RHOBTB2: variants seen among roughly 807,000 people sequenced by gnomAD.
The protein encoded by RHOBTB2 is rho-related BTB domain-containing protein 2.
RHOBTB2 carries 39 observed loss-of-function variants against 66.5 expected under a neutral mutation model. The ratio of observed to expected loss-of-function variants is 0.59; its 90% CI spans 0.45 to 0.77. The LOEUF (loss-of-function observed/expected upper bound fraction) is 0.77, where lower values mean the gene tolerates loss of function less well. Ranked by LOEUF, RHOBTB2 falls within the 30% of genes least tolerant of loss-of-function variation. The probability of loss-of-function intolerance (pLI) is 0.00; values close to 1 mark genes in which losing one functional copy is unlikely to be tolerated. For synonymous variants in RHOBTB2, 390 were observed against 395.0 expected, an observed-to-expected ratio of 0.99 and a Z score of 0.15; for missense variants, 755 against 999.1, an observed-to-expected ratio of 0.76 and a Z score of 3.29.
At position 23,008,189 on chromosome 8, in the gene RHOBTB2, G is replaced by A. The variant is rs968627923; in HGVS notation, c.1620+78G>A. 5 of 996,360 alleles carry A rather than the reference G, an allele frequency of 5.0e-6. No individual in the cohort carries two copies. The African/African-American group carries it at 8.1e-5, about 16-fold the overall frequency. 61.7% of individuals were successfully genotyped at this position (996,360 alleles called of 1,614,324 possible). On this transcript the variant is annotated intron_variant, in intron 6 of 9. Coordinates refer to ENST00000251822, the MANE Select transcript of RHOBTB2 (RefSeq NM_015178.3). ...TTACATCTGAGGCACTGCCACTCAGGGTACTTTCTTCACTGACTGTGTGCT... is the reference window on the plus strand; with the variant it reads ...TTACATCTGAGGCACTGCCACTCAGAGTACTTTCTTCACTGACTGTGTGCT...
the RHOBTB2 span, among the ~76,000 whole-genome samples, chr8:22,956,891 T>A: frequency 0.13 from 20,086 of 152,136 alleles, 1,429 homozygotes; most frequent in Non-Finnish European, 0.17. Flanking sequence ...AATTCCTGAC[T>A]TTAGGTGATC....
rs1273344545 is a variant in RHOBTB2 at position 23,007,987 on chromosome 8, G to C, written c.1502-6G>C. 35 of 1,612,078 alleles carry C rather than the reference G, an allele frequency of 2.2e-5. No homozygotes were observed. The highest frequency in any genetic ancestry group is 2.9e-5 in the Non-Finnish European group (34 of 1,178,402). ...CCAGTCCTCCTGTGATGCTTCTTCT[G>C]GACAGATGTGACCTTCATCCTGGAT... On this transcript the variant is annotated splice_polypyrimidine_tract_variant and splice_region_variant and intron_variant, in intron 5 of 9. Coordinates refer to ENST00000251822, the MANE Select transcript of RHOBTB2 (RefSeq NM_015178.3).
rs939187701 is a variant in RHOBTB2 at position 23,007,183 on chromosome 8, G to T, written c.938G>T (p.Gly313Val). ...GELGGPSEPG[G>V]THPEDHQGHS... ...CTGGGGGGCCCCTCGGAGCCAGGGG[G>T]CACCCACCCAGAGGACCACCAGGGC... The change falls in exon 5 of 10, where the codon GGC becomes GTC. Residue 313 changes from glycine (G) to valine (V), a missense_variant. By Grantham distance (109) the Gly-to-Val change is moderately radical. This residue lies in a region of RHOBTB2 where 247 missense variants were observed against 238.9 expected (regional missense o/e 1.03). Transcript: ENST00000251822. The T allele has an allele frequency of 6.2e-7, 1 of 1,603,782 alleles. No individual in the cohort carries two copies.
intron 1 of RHOBTB2, among the ~76,000 whole-genome samples, chr8:22,989,029 G>C (rs1810358625): frequency 6.6e-6 from 1 of 152,220 alleles, no homozygotes; most frequent in Admixed American, 6.5e-5. Context: ...CTGACCTCTA[G>C]AGGAAACTCA....
At position 23,004,776 on chromosome 8, in the gene RHOBTB2, C is replaced by A. The variant is rs1375077280; in HGVS notation, c.192+150C>A. On this transcript the variant is annotated intron_variant, in intron 2 of 9. Coordinates refer to ENST00000251822, the MANE Select transcript of RHOBTB2 (RefSeq NM_015178.3). The surrounding 1 kb of genome is among the most constrained non-coding windows in gnomAD (Gnocchi z 6.4). ...GGGGGCAGCTGAAGAGGAAGGAGCC[C>A]CTGGAGAGAGGTTTAAGCCAAGTCT... The A allele has an allele frequency of 1.3e-6, 1 of 740,918 alleles. No individual in the cohort carries two copies. 45.9% of individuals were successfully genotyped at this position (740,918 alleles called of 1,614,324 possible). A position where few individuals can be genotyped will look rare whatever the true frequency, so the allele number is the denominator to read the frequency against.
At chr8:22,997,092 G>A (rs1563286601), upstream of RHOBTB2, among the ~76,000 whole-genome samples, 1 of 152,110 alleles carries the variant, frequency 6.6e-6, no homozygotes, top group Non-Finnish European at 1.5e-5. Flanking sequence ...TCTGAGCTGT[G>A]AGTAGTGAAC....
In RHOBTB2 at chr8:23,017,331, G is replaced by A; in HGVS notation, c.2046G>A (p.Arg682=). 2 of 1,614,232 alleles carry A rather than the reference G, an allele frequency of 1.2e-6. No individual in the cohort carries two copies. Among genetic ancestry groups the A allele is most frequent in the South Asian group, 1.1e-5 (1 of 91,088 alleles). The change falls in exon 10 of 10, where the codon CGG becomes CGA. Residue 682 remains arginine (R), a synonymous_variant. Transcript: ENST00000251822. This position sits in a 1 kb window ranked among gnomAD's most constrained non-coding sequence, Gnocchi z 5.3. ...AGGAAGATCATTACCAGCGGGCACG[G>A]AAGGAGCGTGAGAAGGAGGACTACC... ...LKEEDHYQRA[R]KEREKEDYLH...
chr8:22,973,509 C>T, the RHOBTB2 span, among the ~76,000 whole-genome samples: 1 of 152,138 alleles, frequency 6.6e-6, no homozygotes, highest in Non-Finnish European at 1.5e-5. Flanking sequence ...ACTGAGATTA[C>T]AGGCGTGAGC....
At position 22,987,947 on chromosome 8, in the gene RHOBTB2, G is replaced by A. The variant is rs375901728; in HGVS notation, c.-137+384G>A. Among the ~76,000 whole-genome samples, 12 of 152,140 alleles carry A rather than the reference G, an allele frequency of 7.9e-5. No homozygotes were observed. In the East Asian group the frequency reaches 1.7e-3, roughly 22 times the overall value. On this transcript the variant is annotated intron_variant, in intron 1 of 11. Transcript: ENST00000519685. ...CTTGTGACCCTGGCCAGGACGGAACGGAAGGCCCCCAAGATCAAGTAGATG... is the reference window on the plus strand; with the variant it reads ...CTTGTGACCCTGGCCAGGACGGAACAGAAGGCCCCCAAGATCAAGTAGATG...
In RHOBTB2 at chr8:23,017,194, C is replaced by T; in HGVS notation, c.1967-58C>T. 1 of 1,598,936 alleles carries T rather than the reference C, an allele frequency of 6.3e-7. No homozygotes were observed. The highest frequency in any genetic ancestry group is 1.1e-5 in the South Asian group (1 of 88,132). On this transcript the variant is annotated intron_variant, in intron 9 of 9. Coordinates refer to ENST00000251822, the MANE Select transcript of RHOBTB2 (RefSeq NM_015178.3). This position sits in a 1 kb window ranked among gnomAD's most constrained non-coding sequence, Gnocchi z 5.3. ...TTGTGGTGGGGTAGGGCTGGTGTCCCACGTTCCTCTTGTCCCTCTGCCTCC... is the reference window on the plus strand; with the variant it reads ...TTGTGGTGGGGTAGGGCTGGTGTCCTACGTTCCTCTTGTCCCTCTGCCTCC...
At chr8:23,008,731 G>T (rs1175639054) in intron 6 of RHOBTB2, among the ~76,000 whole-genome samples, 1 of 152,132 alleles carries the variant, frequency 6.6e-6, no homozygotes, top group Non-Finnish European at 1.5e-5. Flanking sequence ...GGAGGGAATG[G>T]GCGAGGCAGG....
At chr8:23,003,489 G>A (rs1810847242) in intron 1 of RHOBTB2, among the ~76,000 whole-genome samples, 1 of 152,230 alleles carries the variant, frequency 6.6e-6, no homozygotes, top group African/African-American at 2.4e-5. Flanking sequence ...AGGAGTGCCA[G>A]CTGCCTGGGA....
At chr8:22,990,493 T>C (rs1399876182) in intron 1 of RHOBTB2, among the ~76,000 whole-genome samples, 1 of 152,158 alleles carries the variant, frequency 6.6e-6, no homozygotes, top group Non-Finnish European at 1.5e-5. Flanking sequence ...GCGGCCGCTG[T>C]GAGGCTTTGC....
intron 1 of RHOBTB2, among the ~76,000 whole-genome samples, chr8:22,988,439 G>T (rs1810341255): frequency 6.6e-6 from 1 of 152,052 alleles, no homozygotes; most frequent in African/African-American, 2.4e-5. Flanking sequence ...TGGGATTACA[G>T]GCGTGAGCCA....
At position 22,999,622 on chromosome 8, in the gene RHOBTB2, C is replaced by CTT. The variant is rs1036853708; in HGVS notation, c.-485_-484dup. 1.4e-4 allele frequency: 161 copies of CTT among 1,139,754 alleles called. No individual in the cohort carries two copies. In the African/African-American group the frequency reaches 2.1e-3, roughly 15 times the overall value. The allele number at this position is 1,139,754 out of a possible 1,614,324, so 70.6% of individuals were successfully genotyped here. A position where few individuals can be genotyped will look rare whatever the true frequency, so the allele number is the denominator to read the frequency against. On this transcript the variant is annotated 5_prime_UTR_variant, in exon 1 of 10. Transcript: ENST00000251822. Reference sequence around the variant, plus strand: ...TTTTACCCTCCCGTTTTTTTCTTTTCTTTTTTTTTTCCCTATCCTTTTTTT... The same window carrying CTT: ...TTTTACCCTCCCGTTTTTTTCTTTTCTTTTTTTTTTTTCCCTATCCTTTTTTT...
chr8:22,969,250 A>AC, the RHOBTB2 span, among the ~76,000 whole-genome samples: 21 of 152,056 alleles, frequency 1.4e-4, 2 homozygotes, highest in Middle Eastern at 6.8e-3. Context: ...GTATGGGGTA[A>AC]CCCCCCCACC....
rs1811317184 is a variant in RHOBTB2, at chr8:23,017,228, C to T, written c.1967-24C>T. 6.2e-7 allele frequency: 1 copy of T among 1,612,938 alleles called. No individual in the cohort carries two copies. The highest frequency in any genetic ancestry group is 8.5e-7 in the Non-Finnish European group (1 of 1,179,148). ...CTTGTCCCTCTGCCTCCTTTCTAAC[C>T]AAGCTGCCTGCTCTCTGCTCCAGAA... On this transcript the variant is annotated intron_variant, in intron 9 of 9. Transcript: ENST00000251822. The surrounding 1 kb of genome is among the most constrained non-coding windows in gnomAD (Gnocchi z 5.3).
intron 3 of RHOBTB2, 141 bp from the exon 4 acceptor site, chr8:23,005,816 GATT>G: frequency 1.3e-6 from 1 of 749,142 alleles, no homozygotes; most frequent in Non-Finnish European, 2.2e-6. Flanking sequence ...GAGGTATTGT[GATT>G]ATATGTTTTG....
intron 9 of RHOBTB2, 91 bp downstream of exon 9, chr8:23,015,834 A>G (rs938081404): frequency 1.1e-6 from 1 of 931,302 alleles, no homozygotes. Context: ...CGAGGCTGCC[A>G]GTAATCCTTG....
Sources: allele counts gnomAD v4.1 joint callset (sites outside exome capture counted in the v4.1 genomes callset), GRCh38; gene constraint gnomAD v4.1.1; regional missense constraint gnomAD v4.1.1; non-coding constraint Gnocchi (gnomAD v3.1); transcripts MANE v1.5; gene names NCBI Gene and HGNC (gene_info 2026-07-23, HGNC 2026-07-21).